SPATS2L: variants seen among roughly 807,000 people sequenced by gnomAD.
The protein encoded by SPATS2L is SPATS2-like protein.
In SPATS2L, 30 loss-of-function variants were observed where a neutral mutation model predicts 59.6. The observed-to-expected ratio is 0.50, with a 90% confidence interval of 0.38 to 0.68. The LOEUF (loss-of-function observed/expected upper bound fraction) is 0.68, where lower values mean the gene tolerates loss of function less well. Among genes scored for constraint, SPATS2L ranks in the 30% least tolerant of loss-of-function variants. The probability of loss-of-function intolerance (pLI) is 0.00; values close to 1 mark genes in which losing one functional copy is unlikely to be tolerated. For missense variants in SPATS2L, 615 were observed against 700.0 expected (o/e 0.88, Z 1.37); for synonymous variants, 252 against 263.5 (o/e 0.96, Z 0.42).
intron 9 of SPATS2L, chr2:200,463,163 C>A (rs1478775523): frequency 6.6e-6 from 1 of 152,088 alleles, no homozygotes; most frequent in Non-Finnish European, 1.5e-5. Flanking sequence ...ACTATGTCTT[C>A]TCCACAGATA....
intron 11 of SPATS2L, among the ~76,000 whole-genome samples, chr2:200,471,205 A>G (rs78883843): frequency 0.01 from 1,546 of 152,292 alleles, 31 homozygotes; most frequent in African/African-American, 0.035. Flanking sequence ...TGCTGCGAGC[A>G]TCCTTGTCCA....
intron 2 of SPATS2L, chr2:200,351,159 C>G (rs1169345215): frequency 4.4e-6 from 2 of 456,864 alleles, no homozygotes; most frequent in South Asian, 3.2e-5. Context: ...GAAAGCAGTG[C>G]GAACTCTGAG....
intron 8 of SPATS2L, among the ~76,000 whole-genome samples, chr2:200,441,516 C>T (rs2084699318): frequency 6.6e-6 from 1 of 152,146 alleles, no homozygotes; most frequent in African/African-American, 2.4e-5. Flanking sequence ...ACAGAAGTTT[C>T]CTTCAGACAA....
intron 2 of SPATS2L, chr2:200,383,896 C>G: frequency 1.0e-6 from 1 of 1,001,554 alleles, no homozygotes; most frequent in Non-Finnish European, 1.2e-6. Flanking sequence ...TACCCAAGAA[C>G]AGGAAAGTAA....
intron 2 of SPATS2L, among the ~76,000 whole-genome samples, chr2:200,380,643 A>T (rs1034115787): frequency 6.6e-6 from 1 of 152,242 alleles, no homozygotes; most frequent in Non-Finnish European, 1.5e-5. Flanking sequence ...AGGCAGTGAC[A>T]TTTCTAAACC....
chr2:200,338,081 G>C (rs1449643133), intron 2 of SPATS2L, among the ~76,000 whole-genome samples: 1 of 152,168 alleles, frequency 6.6e-6, no homozygotes, highest in Non-Finnish European at 1.5e-5. Context: ...CTGGAGTGCA[G>C]TGGTCCAATC....
Position 200,309,029 on chromosome 2 carries a change from C to T in SPATS2L, c.-73+2107C>T, listed in dbSNP as rs527973525. 23 of 717,730 alleles carry T rather than the reference C, an allele frequency of 3.2e-5. No homozygotes were observed. The Admixed American group carries it at 3.8e-4, about 12-fold the overall frequency. The allele number at this position is 717,730 out of a possible 1,614,324, so 44.5% of individuals were successfully genotyped here. On this transcript the variant is annotated intron_variant, in intron 1 of 12. Coordinates refer to ENST00000409140, the MANE Select transcript of SPATS2L (RefSeq NM_001100423.2). ...GATCAGGGAAAGAAAATACTTAGGC[C>T]ACACCGTTGCAGTCTTTGATTGCAT...
chr2:200,443,547 A>G (rs550206704), intron 8 of SPATS2L, among the ~76,000 whole-genome samples: 1 of 152,300 alleles, frequency 6.6e-6, no homozygotes, highest in East Asian at 1.9e-4. Context: ...CAAGCGACAT[A>G]GATGTATACC....
intron 2 of SPATS2L, among the ~76,000 whole-genome samples, chr2:200,364,385 G>GATT (rs2081201290): frequency 6.6e-6 from 1 of 152,132 alleles, no homozygotes; most frequent in Admixed American, 6.5e-5. Context: ...GAAGTACTTA[G>GATT]CATAGGGAAC....
chr2:200,445,204 G>A (rs901160321), intron 8 of SPATS2L, among the ~76,000 whole-genome samples: 1 of 152,046 alleles, frequency 6.6e-6, no homozygotes, highest in East Asian at 1.9e-4. Flanking sequence ...CCAGCTACTC[G>A]GGAGGCTGAG....
intron 12 of SPATS2L, among the ~76,000 whole-genome samples, chr2:200,475,985 C>T (rs533391759): frequency 2.6e-5 from 4 of 152,278 alleles, no homozygotes; most frequent in East Asian, 3.9e-4. Flanking sequence ...ATCTATAAAA[C>T]GAAGCACATA....
At chr2:200,430,518 T>C (rs1246658233) in intron 6 of SPATS2L, among the ~76,000 whole-genome samples, 1 of 151,980 alleles carries the variant, frequency 6.6e-6, no homozygotes, top group Non-Finnish European at 1.5e-5. Flanking sequence ...TGCACAGATA[T>C]GTAGATTTTT....
chr2:200,316,796 C>A (rs2079395948), intron 1 of SPATS2L, among the ~76,000 whole-genome samples: 1 of 152,116 alleles, frequency 6.6e-6, no homozygotes, highest in African/African-American at 2.4e-5. Flanking sequence ...CCTTCTAGGC[C>A]TCTTTAGTAC....
chr2:200,347,322 C>A (rs1294120384), intron 2 of SPATS2L, among the ~76,000 whole-genome samples: 1 of 152,170 alleles, frequency 6.6e-6, no homozygotes, highest in African/African-American at 2.4e-5. Context: ...ACAGAGATCA[C>A]TAGGTGGGAG....
rs1309655675 is a variant in SPATS2L, at chr2:200,439,211, T to A, written c.535T>A (p.Trp179Arg). 2.5e-6 allele frequency: 4 copies of A among 1,613,518 alleles called. No individual in the cohort carries two copies. The highest frequency in any genetic ancestry group is 3.4e-6 in the Non-Finnish European group (4 of 1,179,642). ...AACAGAGAGGTCAGATGGCCTACAG[T>A]GGTCAGCTGAGCAGCCTTGTAACCC... Reference protein sequence around the residue: ...GTTERSDGLQWSAEQPCNPSK... With the variant: ...GTTERSDGLQRSAEQPCNPSK... Residue 179 changes from tryptophan to arginine, a missense_variant, in exon 7 of 13, where the codon TGG (tryptophan) becomes AGG (arginine). Transcript: ENST00000409140.
At chr2:200,329,783 A>G (rs969873284) in intron 2 of SPATS2L, among the ~76,000 whole-genome samples, 12 of 148,996 alleles carry the variant, frequency 8.1e-5, no homozygotes, top group Non-Finnish European at 1.8e-4. Context: ...TGAAGTACCA[A>G]AAAAAAAAAA....
chr2:200,350,796 A>T (rs1057220486), intron 2 of SPATS2L, among the ~76,000 whole-genome samples: 1 of 152,090 alleles, frequency 6.6e-6, no homozygotes. Flanking sequence ...CGGCCTCCCA[A>T]AGTGCTGGGA....
chr2:200,404,673 C>T (rs1191415639), intron 3 of SPATS2L, among the ~76,000 whole-genome samples: 1 of 152,148 alleles, frequency 6.6e-6, no homozygotes, highest in African/African-American at 2.4e-5. Context: ...AACAAACTGC[C>T]ACAACTTCAG....
intron 2 of SPATS2L, among the ~76,000 whole-genome samples, chr2:200,359,528 T>C (rs1449868199): frequency 1.3e-5 from 2 of 152,256 alleles, no homozygotes; most frequent in Non-Finnish European, 2.9e-5. Context: ...GACTCTTCTC[T>C]GTCTTCCAAT....
Sources: allele counts gnomAD v4.1 joint callset (sites outside exome capture counted in the v4.1 genomes callset), GRCh38; gene constraint gnomAD v4.1.1; transcripts MANE v1.5; gene names NCBI Gene and HGNC (gene_info 2026-07-23, HGNC 2026-07-21).